Variants in CDH12 observed in about 807,000 individuals in gnomAD.
CDH12 encodes cadherin 12.
In CDH12, 41 loss-of-function variants were observed where a neutral mutation model predicts 74.1. The ratio of observed to expected loss-of-function variants is 0.55; its 90% CI spans 0.43 to 0.72. The LOEUF is 0.72. Ranked by LOEUF, CDH12 falls within the 30% of genes least tolerant of loss-of-function variation. The pLI is 0.00. For missense variants in CDH12, 945 were observed against 977.2 expected (o/e 0.97, Z 0.44); for synonymous variants, 399 against 355.0 (o/e 1.12, Z -1.39).
intron 5 of CDH12, among the ~76,000 whole-genome samples, chr5:21,995,387 T>C (rs941650821): frequency 1.3e-5 from 2 of 151,870 alleles, no homozygotes; most frequent in African/African-American, 4.8e-5. Flanking sequence ...TACTGATGCG[T>C]CAGGGTATAG....
intron 6 of CDH12, among the ~76,000 whole-genome samples, chr5:21,868,777 TA>T (rs1284883230): frequency 6.6e-6 from 1 of 152,176 alleles, no homozygotes; most frequent in Admixed American, 6.5e-5. Context: ...ATCTCACCCA[TA>T]TCTGGTTTAG....
chr5:21,912,432 G>T (rs1006322335), intron 6 of CDH12, among the ~76,000 whole-genome samples: 5 of 151,932 alleles, frequency 3.3e-5, no homozygotes, highest in African/African-American at 1.2e-4. Flanking sequence ...CTGCTTTCTT[G>T]GGAGAGAAAG....
At chr5:21,785,274 C>T (rs1299894504) in intron 10 of CDH12, among the ~76,000 whole-genome samples, 1 of 152,160 alleles carries the variant, frequency 6.6e-6, no homozygotes, top group Non-Finnish European at 1.5e-5. Context: ...CTGTCTCCTG[C>T]TCCTTGGGCC....
At position 21,755,610 on chromosome 5, in the gene CDH12, T is replaced by C. The variant is rs750780426; in HGVS notation, c.1866A>G (p.Leu622=). Residue 622 remains leucine (L), a synonymous_variant, in exon 14 of 15, where the codon CTA becomes CTG. Coordinates refer to ENST00000382254, the MANE Select transcript of CDH12 (RefSeq NM_004061.5). ...LSTGALIAIL[L]CIVILLAIVV... ...ACCAACCTAAGAGTATAACAATGCA[T>C]AGTAGAATTGCAATCAACGCCCCAG... 12 of 1,613,802 alleles carry C rather than the reference T, an allele frequency of 7.4e-6. No homozygotes were observed. The Admixed American group carries it at 1.7e-4, about 22-fold the overall frequency.
intron 4 of CDH12, among the ~76,000 whole-genome samples, chr5:22,144,515 C>G (rs184016297): frequency 1.3e-5 from 2 of 152,166 alleles, no homozygotes; most frequent in East Asian, 3.9e-4. Context: ...GTCAATGCCT[C>G]ACAGTCAAAA....
At chr5:22,009,865 C>T (rs866772210) in intron 5 of CDH12, among the ~76,000 whole-genome samples, 5 of 143,722 alleles carry the variant, frequency 3.5e-5, no homozygotes, top group Non-Finnish European at 7.4e-5. Context: ...GTAATTCCAG[C>T]CATTTGGGAG....
At chr5:22,430,649 A>C (rs2126519419) in intron 2 of CDH12, among the ~76,000 whole-genome samples, 1 of 152,196 alleles carries the variant, frequency 6.6e-6, no homozygotes, top group Middle Eastern at 3.4e-3. Context: ...AACTCTGAGT[A>C]GGTATACTGC....
At chr5:22,668,397 G>A (rs375884376) in intron 1 of CDH12, among the ~76,000 whole-genome samples, 2 of 152,100 alleles carry the variant, frequency 1.3e-5, no homozygotes, top group East Asian at 1.9e-4. Flanking sequence ...TTGTTATGTG[G>A]TCATAATGTG....
chr5:21,978,028 T>C (rs1757142856), intron 5 of CDH12, among the ~76,000 whole-genome samples: 1 of 152,192 alleles, frequency 6.6e-6, no homozygotes, highest in African/African-American at 2.4e-5. Context: ...ATTAAATAAA[T>C]GACATTGGCT....
At chr5:22,314,225 G>A (rs1297362549) in intron 3 of CDH12, among the ~76,000 whole-genome samples, 1 of 152,094 alleles carries the variant, frequency 6.6e-6, no homozygotes, top group East Asian at 1.9e-4. Context: ...AGTAGTCAGG[G>A]TTTTTAAAAA....
At chr5:22,766,579 C>T (rs912379673) in intron 1 of CDH12, among the ~76,000 whole-genome samples, 1 of 151,984 alleles carries the variant, frequency 6.6e-6, no homozygotes, top group Non-Finnish European at 1.5e-5. Context: ...GAAAAAGAGA[C>T]CCTGGAACAG....
intron 5 of CDH12, among the ~76,000 whole-genome samples, chr5:22,043,778 GC>G (rs1037732860): frequency 4.7e-5 from 7 of 149,206 alleles, no homozygotes; most frequent in Admixed American, 2.7e-4. Context: ...ACATAAAAAA[GC>G]AATAGTGTTG....
At chr5:22,030,133 A>G (rs1440350285) in intron 5 of CDH12, among the ~76,000 whole-genome samples, 4 of 149,976 alleles carry the variant, frequency 2.7e-5, no homozygotes, top group South Asian at 2.1e-4. Context: ...GGGAGGGGGG[A>G]AGGACAGCAT....
At chr5:22,344,814 T>G (rs2150458709) in intron 3 of CDH12, among the ~76,000 whole-genome samples, 1 of 152,306 alleles carries the variant, frequency 6.6e-6, no homozygotes, top group South Asian at 2.1e-4. Flanking sequence ...ATAGTTCCAG[T>G]AGCAAGCAGC....
chr5:22,821,774 A>T (rs1171613112), intron 1 of CDH12, among the ~76,000 whole-genome samples: 6 of 151,528 alleles, frequency 4.0e-5, no homozygotes, highest in African/African-American at 1.5e-4. Context: ...CATGGGTAGG[A>T]AGAATCAATA....
chr5:22,132,053 A>G (rs1381771911), intron 4 of CDH12, among the ~76,000 whole-genome samples: 2 of 152,072 alleles, frequency 1.3e-5, no homozygotes, highest in African/African-American at 4.8e-5. Flanking sequence ...GCCTTTGGGA[A>G]CTTCTTTTTT....
chr5:22,411,052 A>T (rs1033780304), intron 2 of CDH12, among the ~76,000 whole-genome samples: 1 of 152,068 alleles, frequency 6.6e-6, no homozygotes, highest in African/African-American at 2.4e-5. Context: ...ACAAAAAGGA[A>T]TGTTGACACC....
At chr5:22,407,154 A>G (rs1280277223) in intron 2 of CDH12, among the ~76,000 whole-genome samples, 1 of 152,044 alleles carries the variant, frequency 6.6e-6, no homozygotes, top group Non-Finnish European at 1.5e-5. Context: ...GCCTATTCAT[A>G]TTTCCCTTGA....
At chr5:21,869,476 T>C (rs1415189401) in intron 6 of CDH12, among the ~76,000 whole-genome samples, 1 of 152,204 alleles carries the variant, frequency 6.6e-6, no homozygotes, top group Non-Finnish European at 1.5e-5. Context: ...GTATTTTTTC[T>C]ATATTTTTTA....
Sources: gnomAD v4.1 joint callset for allele counts (sites outside exome capture counted in the v4.1 genomes callset) on GRCh38, gnomAD v4.1.1 for gene constraint, MANE v1.5 for transcripts, NCBI Gene and HGNC (gene_info 2026-07-23, HGNC 2026-07-21) for gene names.